Variants in ASPSCR1 observed in about 807,000 individuals in gnomAD.
ASPSCR1 encodes tether containing UBX domain for GLUT4.
In ASPSCR1, 55 loss-of-function variants were observed where a neutral mutation model predicts 68.9. The observed-to-expected ratio is 0.80, with a 90% CI of 0.64 to 1.00. ASPSCR1 has a LOEUF of 1.00. ASPSCR1 is among the 50% of genes least tolerant of loss of function. The pLI is 0.00. For synonymous variants in ASPSCR1, 352 were observed against 332.6 expected (o/e 1.06, Z -0.63); for missense variants, 765 against 762.2 (o/e 1.00, Z -0.04).
At chr17:82,002,429 G>A (rs1044752701) in intron 7 of ASPSCR1, among the ~76,000 whole-genome samples, 1 of 151,580 alleles carries the variant, frequency 6.6e-6, no homozygotes, top group African/African-American at 2.4e-5. Flanking sequence ...TAATTTCTGT[G>A]TTCTTTGTAG....
rs551966654 is a variant in ASPSCR1 at position 81,990,422 on chromosome 17, G to A, written c.375-4399G>A. On this transcript the variant is annotated intron_variant, in intron 4 of 15. Transcript: ENST00000306739. The surrounding 1 kb of genome is among the most constrained non-coding windows in gnomAD (Gnocchi z 4.1). ...GTCTGAAGGTTCTGCCCAGCACAGAGGGGTGTGAACAGCCACGCCGAGCTC... is the reference window on the plus strand; with the variant it reads ...GTCTGAAGGTTCTGCCCAGCACAGAAGGGTGTGAACAGCCACGCCGAGCTC... Among the ~76,000 whole-genome samples the A allele has an allele frequency of 2.0e-5, 3 of 152,338 alleles. No homozygotes were observed. The highest frequency in any genetic ancestry group is 3.9e-4 in the East Asian group (2 of 5,184).
Position 81,983,511 on chromosome 17 carries a change from C to A in ASPSCR1, c.159-43C>A, listed in dbSNP as rs1445427186. The A allele has an allele frequency of 1.4e-6, 2 of 1,409,896 alleles. No homozygotes were observed. The highest frequency in any genetic ancestry group is 2.7e-5 in the South Asian group (2 of 75,206). 87.3% of individuals were successfully genotyped at this position (1,409,896 alleles called of 1,614,324 possible). A position where few individuals can be genotyped will look rare whatever the true frequency, so the allele number is the denominator to read the frequency against. On this transcript the variant is annotated intron_variant, in intron 2 of 15. Coordinates refer to ENST00000306739, the MANE Select transcript of ASPSCR1 (RefSeq NM_024083.4). The surrounding 1 kb of genome is among the most constrained non-coding windows in gnomAD (Gnocchi z 4.4). ...GCGGGGCGTGGATGGCAGGGCGTGT[C>A]AGGCTCTGCAGGGCAGCAAGTGTGC...
At chr17:82,015,553 C>A in intron 12 of ASPSCR1, 1 of 721,536 alleles carries the variant, frequency 1.4e-6, no homozygotes, top group Non-Finnish European at 2.2e-6. Flanking sequence ...TGCCTCTCTG[C>A]ATCGGTGGCC....
chr17:81,996,711 A>T lies in ASPSCR1; in HGVS notation c.798A>T (p.Ser266=). 6.2e-7 allele frequency: 1 copy of T among 1,613,570 alleles called. No individual in the cohort carries two copies. The highest frequency in any genetic ancestry group is 1.7e-5 in the Admixed American group (1 of 60,030). The change falls in exon 7 of 16, where the codon TCA becomes TCT. Residue 266 remains serine, a synonymous_variant. Coordinates refer to ENST00000306739, the MANE Select transcript of ASPSCR1 (RefSeq NM_024083.4). ...CCACGAGGCCTCTGACATCATCTTC[A>T]GCTAAGTTGCCGAAGTCCCTCTCCA... ...PGPTRPLTSS[S]AKLPKSLSSP... is the part of the protein sequence containing the mutation.
chr17:81,977,797 C>G lies in ASPSCR1; in HGVS notation c.102+49C>G. ...ACGGGTAGGCGGGCGGGGGGCGCTG[C>G]GCCGAGGCCCCGCCCATTGCGGTCG... On this transcript the variant is annotated intron_variant, in intron 1 of 15. Coordinates refer to ENST00000306739, the MANE Select transcript of ASPSCR1 (RefSeq NM_024083.4). The surrounding 1 kb of genome is among the most constrained non-coding windows in gnomAD (Gnocchi z 5.0). 1 of 1,187,840 alleles carries G rather than the reference C, an allele frequency of 8.4e-7. No homozygotes were observed. The allele number at this position is 1,187,840 out of a possible 1,614,324, so 73.6% of individuals were successfully genotyped here.
chr17:82,007,071 G>A (rs2042743800), intron 7 of ASPSCR1: 1 of 152,284 alleles, frequency 6.6e-6, no homozygotes, highest in African/African-American at 2.4e-5. Flanking sequence ...TTTCCCAGCA[G>A]CCCTACTGCA....
chr17:81,984,529 A>T (rs969380877), intron 3 of ASPSCR1, among the ~76,000 whole-genome samples: 1 of 151,554 alleles, frequency 6.6e-6, no homozygotes, highest in Non-Finnish European at 1.5e-5. Flanking sequence ...GTGAGCCGAG[A>T]TTGTGCTGCC....
At chr17:81,985,073 TACAC>T (rs536199160) in intron 3 of ASPSCR1, among the ~76,000 whole-genome samples, 3 of 94,746 alleles carry the variant, frequency 3.2e-5, no homozygotes, top group African/African-American at 8.2e-5. Context: ...CACACACCTG[TACAC>T]ACACACCTAC....
intron 4 of ASPSCR1, among the ~76,000 whole-genome samples, chr17:81,992,018 G>A (rs970270377): frequency 1.3e-5 from 2 of 152,370 alleles, no homozygotes; most frequent in Middle Eastern, 3.4e-3. Flanking sequence ...TGGCCGTCCC[G>A]CTGGCTTCTG....
At chr17:81,996,277 G>C in intron 6 of ASPSCR1, 143 bp from the exon 7 acceptor site, 4 of 1,425,544 alleles carry the variant, frequency 2.8e-6, no homozygotes, top group South Asian at 3.0e-5. Flanking sequence ...GGTGGATCTT[G>C]GGAGGGCGCA....
At chr17:81,984,876 ACACACACCCCC>A (rs2041920557) in intron 3 of ASPSCR1, among the ~76,000 whole-genome samples, 2 of 36,378 alleles carry the variant, frequency 5.5e-5, no homozygotes, top group Admixed American at 4.5e-4. Flanking sequence ...ACACCCCCGC[ACACACACCCCC>A]CACACACACC....
Position 81,983,445 on chromosome 17 carries a change from CGGGGCGTGGATGGCGGGGCGTGGATGGT to C in ASPSCR1, c.159-105_159-78del, listed in dbSNP as rs1001663791. Reference sequence around the variant, plus strand: ...GGGAGCTGCCACAGGACGTGGATGGCGGGGCGTGGATGGCGGGGCGTGGATGGTGGGACGGGGATGGCGGGGCGTGGAT... The same window carrying C: ...GGGAGCTGCCACAGGACGTGGATGGCGGGACGGGGATGGCGGGGCGTGGAT... On this transcript the variant is annotated intron_variant, in intron 2 of 15. Transcript: ENST00000306739. This position sits in a 1 kb window ranked among gnomAD's most constrained non-coding sequence, Gnocchi z 4.4. 2.9e-5 allele frequency: 25 copies of C among 867,636 alleles called. No homozygotes were observed. Among genetic ancestry groups the C allele is most frequent in the Non-Finnish European group, 4.3e-5 (24 of 553,008 alleles). The allele number at this position is 867,636 out of a possible 1,614,324, so 53.7% of individuals were successfully genotyped here.
intron 7 of ASPSCR1, among the ~76,000 whole-genome samples, chr17:81,998,195 TC>T (rs2042418003): frequency 6.6e-6 from 1 of 152,200 alleles, no homozygotes; most frequent in African/African-American, 2.4e-5. Flanking sequence ...GGTCTCGAAT[TC>T]CTGGGCTCAA....
In ASPSCR1 at chr17:81,981,017, GTAAA is replaced by G. The variant is rs926395737; in HGVS notation, c.158+1792_158+1795del. On this transcript the variant is annotated intron_variant, in intron 2 of 15. Coordinates refer to ENST00000306739, the MANE Select transcript of ASPSCR1 (RefSeq NM_024083.4). ...CTGTCTCTACAAAAAAAGTAAATAA[GTAAA>G]TAAATAAATAAATGGCAAATCAGAG... is the stretch of plus-strand genomic sequence containing the variant. 3.9e-5 allele frequency among the ~76,000 whole-genome samples: 6 copies of G among 152,216 alleles called. No individual in the cohort carries two copies. The South Asian group carries it at 1.0e-3, about 26-fold the overall frequency.
At chr17:82,015,183 G>A (rs776306980) in intron 12 of ASPSCR1, 147 of 1,598,276 alleles carry the variant, frequency 9.2e-5, no homozygotes, top group Non-Finnish European at 1.2e-4. Flanking sequence ...TGGAGGCGAC[G>A]TGGACTCTGG....
rs146038640 is a variant in ASPSCR1 at position 81,992,098 on chromosome 17, A to C, written c.375-2723A>C. Among the ~76,000 whole-genome samples, 774 of 152,316 alleles carry C rather than the reference A, an allele frequency of 5.1e-3. 6 individuals are homozygous for C. The highest frequency in any genetic ancestry group is 0.017 in the African/African-American group (708 of 41,566). ...AGTGTGCCAGTACCCTGCTGCGAGC[A>C]GGCACCCGCGGAAGCGCCCCAAAGC... On this transcript the variant is annotated intron_variant, in intron 4 of 15. Transcript: ENST00000306739.
chr17:82,016,543 T>C lies in ASPSCR1; in HGVS notation c.1405+16T>C. On this transcript the variant is annotated intron_variant, in intron 13 of 15. Coordinates refer to ENST00000306739, the MANE Select transcript of ASPSCR1 (RefSeq NM_024083.4). ...GAGCCGGCAGGTGAGTGTCAGTGGTTGGGGCCAGTGTCGGAGTCCAGCCAG... is the reference window on the plus strand; with the variant it reads ...GAGCCGGCAGGTGAGTGTCAGTGGTCGGGGCCAGTGTCGGAGTCCAGCCAG... 1 of 1,549,162 alleles carries C rather than the reference T, an allele frequency of 6.5e-7. No homozygotes were observed.
rs1269021460 is a variant in ASPSCR1 at position 81,977,782 on chromosome 17, G to A, written c.102+34G>A. ...GCCCGCCCGGGGCGGACGGGTAGGC[G>A]GGCGGGGGGCGCTGCGCCGAGGCCC... On this transcript the variant is annotated intron_variant, in intron 1 of 15. Transcript: ENST00000306739. This position sits in a 1 kb window ranked among gnomAD's most constrained non-coding sequence, Gnocchi z 5.0. The A allele has an allele frequency of 1.1e-5, 13 of 1,207,268 alleles. No individual in the cohort carries two copies. The highest frequency in any genetic ancestry group is 1.6e-5 in the African/African-American group (1 of 63,232). The allele number at this position is 1,207,268 out of a possible 1,614,324, so 74.8% of individuals were successfully genotyped here. A position where few individuals can be genotyped will look rare whatever the true frequency, so the allele number is the denominator to read the frequency against.
At chr17:82,004,905 G>C (rs2042659709) in intron 7 of ASPSCR1, 1 of 152,280 alleles carries the variant, frequency 6.6e-6, no homozygotes, top group South Asian at 2.1e-4. Context: ...CAGCGGCACA[G>C]AGAAGGTTCT....
Sources: allele counts gnomAD v4.1 joint callset (sites outside exome capture counted in the v4.1 genomes callset), GRCh38; gene constraint gnomAD v4.1.1; non-coding constraint Gnocchi (gnomAD v3.1); transcripts MANE v1.5; gene names NCBI Gene and HGNC (gene_info 2026-07-23, HGNC 2026-07-21).